The following PIAS4 variants were observed in gnomAD, a reference collection of about 807,000 sequenced individuals.
The protein encoded by PIAS4 is protein inhibitor of activated STAT 4, also known as E3 SUMO-protein ligase PIAS4.
Under a neutral mutation model 58.0 loss-of-function variants are expected in PIAS4, and 7 were observed. The observed-to-expected ratio is 0.12, with a 90% CI of 0.07 to 0.23. The LOEUF (loss-of-function observed/expected upper bound fraction) is 0.23, where lower values mean the gene tolerates loss of function less well. Ranked by LOEUF, PIAS4 falls within the 10% of genes least tolerant of loss-of-function variation. The probability of loss-of-function intolerance (pLI) is 1.00; values close to 1 mark genes in which losing one functional copy is unlikely to be tolerated. For synonymous variants in PIAS4, 364 were observed against 312.4 expected (o/e 1.17, Z -1.74); for missense variants, 550 against 709.5 (o/e 0.78, Z 2.55).
intron 7 of PIAS4, among the ~76,000 whole-genome samples, chr19:4,032,711 C>G (rs1028155606): frequency 3.9e-5 from 6 of 152,212 alleles, no homozygotes; most frequent in African/African-American, 1.4e-4. Flanking sequence ...GAGTCCCTGC[C>G]TCATTCCCCG....
In PIAS4 at chr19:4,028,864, G is replaced by A; in HGVS notation, c.801+16G>A. ...CTACGGCAAGGTGAGTGCGTGCCCG[G>A]GTGCCCACCCTGCCCCCCAACCCCG... On this transcript the variant is annotated intron_variant, in intron 6 of 10. Coordinates refer to ENST00000262971, the MANE Select transcript of PIAS4 (RefSeq NM_015897.4). The A allele has an allele frequency of 6.2e-7, 1 of 1,613,144 alleles. No individual in the cohort carries two copies. Among genetic ancestry groups the A allele is most frequent in the Non-Finnish European group, 8.5e-7 (1 of 1,179,872 alleles).
chr19:4,012,129 G>GCC (rs961793531), intron 1 of PIAS4, among the ~76,000 whole-genome samples: 5 of 151,718 alleles, frequency 3.3e-5, no homozygotes, highest in Admixed American at 3.3e-4. Flanking sequence ...GCCCAGGATG[G>GCC]CCCCAGTGTC....
intron 3 of PIAS4, 33 bp from the exon 4 acceptor site, chr19:4,028,113 T>C: frequency 1.2e-6 from 2 of 1,612,298 alleles, no homozygotes; most frequent in Non-Finnish European, 1.7e-6. Flanking sequence ...TCAGCTCTCC[T>C]TTCCTTTCCT....
chr19:4,009,067 A>G (rs894380212), intron 1 of PIAS4, among the ~76,000 whole-genome samples: 1 of 152,100 alleles, frequency 6.6e-6, no homozygotes, highest in African/African-American at 2.4e-5. Flanking sequence ...GTGCCTACCT[A>G]GAGCTGAGGG....
rs1043671894 is a variant in PIAS4, at chr19:4,038,016, G to A, written c.*141G>A. 9.9e-6 allele frequency: 8 copies of A among 809,522 alleles called. No homozygotes were observed. Among genetic ancestry groups the A allele is most frequent in the African/African-American group, 1.7e-5 (1 of 57,180 alleles). 50.1% of individuals were successfully genotyped at this position (809,522 alleles called of 1,614,324 possible). ...TTTCCACCCTTTTGCCTGGCTCCTGGCACCTGTACCTCTGGACTCTCCTAT... is the reference window on the plus strand; with the variant it reads ...TTTCCACCCTTTTGCCTGGCTCCTGACACCTGTACCTCTGGACTCTCCTAT... On this transcript the variant is annotated 3_prime_UTR_variant, in exon 11 of 11. Transcript: ENST00000262971. The surrounding 1 kb of genome is among the most constrained non-coding windows in gnomAD (Gnocchi z 4.1).
intron 1 of PIAS4, among the ~76,000 whole-genome samples, chr19:4,010,962 G>A (rs1361761165): frequency 1.3e-5 from 2 of 152,218 alleles, no homozygotes; most frequent in East Asian, 3.9e-4. Flanking sequence ...ACCCTGGCCC[G>A]ATACAGCTGG....
chr19:4,036,940 TCATA>T (rs566722480), intron 9 of PIAS4, among the ~76,000 whole-genome samples: 31 of 152,078 alleles, frequency 2.0e-4, no homozygotes, highest in Admixed American at 1.8e-3. Context: ...ACACACACAT[TCATA>T]GACTCCACAC....
chr19:4,026,746 G>T (rs2040168771), intron 3 of PIAS4, among the ~76,000 whole-genome samples: 1 of 152,010 alleles, frequency 6.6e-6, no homozygotes, highest in Admixed American at 6.6e-5. Context: ...GCAGTGTCGC[G>T]ATCTCAGTTC....
chr19:4,018,616 C>T (rs1012779032), intron 2 of PIAS4: 1 of 152,220 alleles, frequency 6.6e-6, no homozygotes, highest in African/African-American at 2.4e-5. Flanking sequence ...GTCCCGTGGC[C>T]TTGGATGCTG....
chr19:4,024,326 G>T (rs2040141155), intron 3 of PIAS4, among the ~76,000 whole-genome samples: 1 of 152,214 alleles, frequency 6.6e-6, no homozygotes, highest in Admixed American at 6.5e-5. Context: ...CCCACTGCCT[G>T]TGCCCTGCAG....
chr19:4,025,686 C>CTTG (rs1568216973), intron 3 of PIAS4, among the ~76,000 whole-genome samples: 2 of 150,298 alleles, frequency 1.3e-5, no homozygotes, highest in Admixed American at 1.3e-4. Context: ...CTTTCTCAGC[C>CTTG]TCGTCTTCCT....
At chr19:4,012,770 G>T (rs914432476) in intron 1 of PIAS4, among the ~76,000 whole-genome samples, 153 bp from the exon 2 acceptor site, 1 of 152,024 alleles carries the variant, frequency 6.6e-6, no homozygotes, top group Admixed American at 6.6e-5. Flanking sequence ...AGGGGGCACC[G>T]TAGGGGCAGG....
Position 4,037,941 on chromosome 19 carries a change from C to T in PIAS4, c.*66C>T. ...GAGGGGCACGGGCCAGCCTCGGGCG[C>T]AGAGGGAGGAGTGACCTTTCTTTTT... On this transcript the variant is annotated 3_prime_UTR_variant, in exon 11 of 11. Coordinates refer to ENST00000262971, the MANE Select transcript of PIAS4 (RefSeq NM_015897.4). The surrounding 1 kb of genome is among the most constrained non-coding windows in gnomAD (Gnocchi z 5.8). The T allele has an allele frequency of 6.8e-7, 1 of 1,475,378 alleles. No homozygotes were observed. Among genetic ancestry groups the T allele is most frequent in the Non-Finnish European group, 9.0e-7 (1 of 1,105,544 alleles). The allele number at this position is 1,475,378 out of a possible 1,614,324, so 91.4% of individuals were successfully genotyped here.
Position 4,008,175 on chromosome 19 carries a change from C to T in PIAS4, c.27+388C>T, listed in dbSNP as rs377478736. Among the ~76,000 whole-genome samples, 23 of 152,214 alleles carry T rather than the reference C, an allele frequency of 1.5e-4. No individual in the cohort carries two copies. In the East Asian group the frequency reaches 3.7e-3, roughly 24 times the overall value. On this transcript the variant is annotated intron_variant, in intron 1 of 10. Transcript: ENST00000262971. The stretch of plus-strand genomic sequence containing the variant: ...GCCCTCTTGGTTCCGAGCCGGGGTC[C>T]TTGCTTTTTGGCTGGTGTGTTGGGG...
chr19:4,009,542 T>G (rs796231435), intron 1 of PIAS4, among the ~76,000 whole-genome samples: 1 of 152,034 alleles, frequency 6.6e-6, no homozygotes, highest in Non-Finnish European at 1.5e-5. Flanking sequence ...TGATGAACTT[T>G]CCTTAACCCT....
intron 1 of PIAS4, among the ~76,000 whole-genome samples, chr19:4,010,680 G>T (rs1361327515): frequency 6.6e-6 from 1 of 152,226 alleles, no homozygotes; most frequent in Non-Finnish European, 1.5e-5. Flanking sequence ...TCCCACGCAT[G>T]TACTAGGGAG....
At chr19:4,019,856 G>A (rs113168224) in intron 2 of PIAS4, among the ~76,000 whole-genome samples, 4 of 152,102 alleles carry the variant, frequency 2.6e-5, no homozygotes, top group East Asian at 3.9e-4. Context: ...TGGGCGGGAC[G>A]TGCAGGCTGA....
In PIAS4 at chr19:4,028,607, A is replaced by C. The variant is rs1002635146; in HGVS notation, c.672+7A>C. The C allele has an allele frequency of 6.2e-7, 1 of 1,612,152 alleles. No individual in the cohort carries two copies. The highest frequency in any genetic ancestry group is 1.7e-5 in the Admixed American group (1 of 59,952). On this transcript the variant is annotated splice_region_variant and intron_variant, in intron 5 of 10. Transcript: ENST00000262971. ...CAGCTACTGCTCCGTCCCGGTGAGC[A>C]TGCCCCGCCCCCGCGTCGGCTGCAC... is the stretch of plus-strand genomic sequence containing the variant.
At chr19:4,012,541 G>A (rs924521742) in intron 1 of PIAS4, among the ~76,000 whole-genome samples, 1 of 152,172 alleles carries the variant, frequency 6.6e-6, no homozygotes, top group South Asian at 2.1e-4. Flanking sequence ...AGAGACTGAG[G>A]GTCAGAGAGG....
Sources: allele counts gnomAD v4.1 joint callset (sites outside exome capture counted in the v4.1 genomes callset), GRCh38; gene constraint gnomAD v4.1.1; non-coding constraint Gnocchi (gnomAD v3.1); transcripts MANE v1.5; gene names NCBI Gene and HGNC (gene_info 2026-07-23, HGNC 2026-07-21).